DLG2: variants seen among roughly 807,000 people sequenced by gnomAD.
DLG2 encodes discs large MAGUK scaffold protein 2.
DLG2 carries 45 observed loss-of-function variants against 132.5 expected under a neutral mutation model. The ratio of observed to expected loss-of-function variants is 0.34; its 90% CI spans 0.27 to 0.44. The LOEUF (loss-of-function observed/expected upper bound fraction) is 0.44. DLG2 is among the 20% of genes least tolerant of loss of function. DLG2 has a pLI of 1.00. For missense variants in DLG2, 1,045 were observed against 1,196.9 expected, an observed-to-expected ratio of 0.87 and a Z score of 1.87; for synonymous variants, 424 against 419.6, an observed-to-expected ratio of 1.01 and a Z score of -0.13.
chr11:83,963,389 C>T (rs1023493863), intron 13 of DLG2, among the ~76,000 whole-genome samples: 1 of 151,954 alleles, frequency 6.6e-6, no homozygotes, highest in African/African-American at 2.4e-5. Context: ...TAATTAATAT[C>T]CAATTACTGA....
At chr11:83,678,153 A>G (rs2078091909) in intron 18 of DLG2, among the ~76,000 whole-genome samples, 4 of 152,174 alleles carry the variant, frequency 2.6e-5, no homozygotes. Context: ...TGCCCTCTGA[A>G]CTAGAAAAGC....
chr11:84,322,443 A>G (rs541323095), intron 7 of DLG2, among the ~76,000 whole-genome samples: 42 of 152,292 alleles, frequency 2.8e-4, no homozygotes, highest in Admixed American at 7.8e-4. Flanking sequence ...AGCTTTTTCA[A>G]GAGTTCTCCC....
chr11:83,549,031 G>T (rs1432052), intron 19 of DLG2, among the ~76,000 whole-genome samples: 100,065 of 151,998 alleles, frequency 0.66, 33,454 homozygotes, highest in Middle Eastern at 0.75. Context: ...GTTTGGTCTA[G>T]GGAGGCCTTT....
intron 8 of DLG2, among the ~76,000 whole-genome samples, chr11:84,181,210 T>C (rs968001411): frequency 3.3e-5 from 5 of 151,752 alleles, no homozygotes; most frequent in African/African-American, 7.3e-5. Context: ...CAAGAAACTA[T>C]GGCAGAATGG....
At chr11:84,423,132 G>T (rs1305819993) in intron 7 of DLG2, among the ~76,000 whole-genome samples, 1 of 152,054 alleles carries the variant, frequency 6.6e-6, no homozygotes, top group Non-Finnish European at 1.5e-5. Context: ...ATTCAGAAGG[G>T]TACAGAGTTT....
At chr11:85,585,980 G>C (rs1341003148) in intron 3 of DLG2, among the ~76,000 whole-genome samples, 1 of 152,158 alleles carries the variant, frequency 6.6e-6, no homozygotes, top group Non-Finnish European at 1.5e-5. Flanking sequence ...GCCTCTCAAA[G>C]TGCTGGGATT....
rs181912141 is a variant in DLG2, at chr11:85,254,711, A to T, written c.186+30509T>A. Among the ~76,000 whole-genome samples, 21 of 152,318 alleles carry T rather than the reference A, an allele frequency of 1.4e-4. 1 individual carries two copies. The highest frequency in any genetic ancestry group is 4.1e-4 in the African/African-American group (17 of 41,580). Reference sequence around the variant, plus strand: ...AAAATCAATTAGCATTTGTATTTATAAGAATTAGGCTGGGCGTGGTGGCTC... The same window carrying T: ...AAAATCAATTAGCATTTGTATTTATTAGAATTAGGCTGGGCGTGGTGGCTC... On this transcript the variant is annotated intron_variant, in intron 4 of 27. Coordinates refer to ENST00000376104, the MANE Select transcript of DLG2 (RefSeq NM_001142699.3).
intron 7 of DLG2, among the ~76,000 whole-genome samples, chr11:84,530,580 G>A (rs959515726): frequency 1.5e-4 from 23 of 152,078 alleles, no homozygotes; most frequent in African/African-American, 4.6e-4. Context: ...AAGAGATACC[G>A]TCTTACACCA....
chr11:85,135,737 T>TA lies in DLG2; in HGVS notation c.282+18818dup, dbSNP rs1454331215. On this transcript the variant is annotated intron_variant, in intron 5 of 27. Coordinates refer to ENST00000376104, the MANE Select transcript of DLG2 (RefSeq NM_001142699.3). ...AAAATGCACTCCTTAAAGATAGTTT[T>TA]AACTCTTTATTTCCATTGCCTAGAC... Among the ~76,000 whole-genome samples the TA allele has an allele frequency of 2.0e-5, 3 of 152,346 alleles. No individual in the cohort carries two copies. The East Asian group carries it at 5.8e-4, about 29-fold the overall frequency.
rs2092139863 is a variant in DLG2 at position 84,099,004 on chromosome 11, T to C, written c.668A>G (p.Asn223Ser). 3.7e-6 allele frequency: 6 copies of C among 1,612,792 alleles called. No individual in the cohort carries two copies. Among genetic ancestry groups the C allele is most frequent in the Non-Finnish European group, 3.4e-6 (4 of 1,178,892 alleles). Residue 223 changes from asparagine to serine, a missense_variant, in exon 10 of 28, where the codon AAT (asparagine) becomes AGT (serine). Physicochemically the swap from Asn to Ser is conservative, Grantham distance 46. Coordinates refer to ENST00000376104, the MANE Select transcript of DLG2 (RefSeq NM_001142699.3). ...LGFSIAGGTD[N>S]PHIGDDPGIF... ...GCCAGGGTCATCTCCAATGTGGGGA[T>C]TATCTGTCCCCCCAGCAATACTGAA...
At chr11:83,471,799 G>A in intron 23 of DLG2, 72 bp from the exon 24 acceptor site, 1 of 1,256,052 alleles carries the variant, frequency 8.0e-7, no homozygotes, top group East Asian at 2.4e-5. Flanking sequence ...TCCTGCAAGG[G>A]TGATTCTTAA....
At chr11:84,432,619 T>C (rs2098988001) in intron 7 of DLG2, among the ~76,000 whole-genome samples, 1 of 152,216 alleles carries the variant, frequency 6.6e-6, no homozygotes. Context: ...CTTTCCTTGG[T>C]CCTACTGCCA....
rs143982837 is a variant in DLG2, at chr11:84,165,963, T to C, written c.574-2452A>G. Among the ~76,000 whole-genome samples the C allele has an allele frequency of 2.6e-5, 4 of 152,236 alleles. No homozygotes were observed. In the East Asian group the frequency reaches 7.7e-4, roughly 29 times the overall value. On this transcript the variant is annotated intron_variant, in intron 8 of 27. Coordinates refer to ENST00000376104, the MANE Select transcript of DLG2 (RefSeq NM_001142699.3). ...ATCCCATGTCTACAACAAGCTTTCGTGAACTCGTAGAAGCATGAAGGATTT... is the reference window on the plus strand; with the variant it reads ...ATCCCATGTCTACAACAAGCTTTCGCGAACTCGTAGAAGCATGAAGGATTT...
intron 7 of DLG2, among the ~76,000 whole-genome samples, chr11:84,359,831 A>G (rs538817577): frequency 6.6e-6 from 1 of 152,044 alleles, no homozygotes; most frequent in South Asian, 2.1e-4. Flanking sequence ...AGATTATCCT[A>G]TTATGCTTTC....
chr11:85,256,687 CCAAA>C (rs1300394226), intron 4 of DLG2, among the ~76,000 whole-genome samples: 3 of 152,052 alleles, frequency 2.0e-5, no homozygotes, highest in Non-Finnish European at 2.9e-5. Flanking sequence ...CACATGGCGG[CCAAA>C]CAGAGGAGCC....
intron 6 of DLG2, chr11:84,936,831 C>G (rs973457364): frequency 6.6e-6 from 1 of 152,060 alleles, no homozygotes; most frequent in African/African-American, 2.4e-5. Flanking sequence ...TAAACCTTAC[C>G]TTTTAGAGGT....
At chr11:84,532,745 C>G (rs2099345905) in intron 7 of DLG2, among the ~76,000 whole-genome samples, 2 of 152,174 alleles carry the variant, frequency 1.3e-5, no homozygotes, top group Non-Finnish European at 2.9e-5. Flanking sequence ...GTCCTCCCAC[C>G]TCAGCTTCCC....
rs779039240 is a variant in DLG2 at position 84,506,079 on chromosome 11, C to CTTTTTTT, written c.519+28484_519+28490dup. ...CTAATGTTATGACAGAGGCTCAGTT[C>CTTTTTTT]TTTTTTTTTTTTTTGAGACGGAGTC... On this transcript the variant is annotated intron_variant, in intron 7 of 27. Coordinates refer to ENST00000376104, the MANE Select transcript of DLG2 (RefSeq NM_001142699.3). 3.2e-3 allele frequency among the ~76,000 whole-genome samples: 342 copies of CTTTTTTT among 107,020 alleles called. 73 individuals carry two copies. The highest frequency in any genetic ancestry group is 0.014 in the African/African-American group (286 of 19,736). 70.2% of individuals were successfully genotyped at this position (107,020 alleles called of 152,430 possible).
chr11:85,260,348 T>C (rs1484116588), intron 4 of DLG2, among the ~76,000 whole-genome samples: 2 of 152,226 alleles, frequency 1.3e-5, no homozygotes, highest in Non-Finnish European at 2.9e-5. Context: ...TACATGACTA[T>C]AACATAATGA....
Sources: gnomAD v4.1 joint callset for allele counts (sites outside exome capture counted in the v4.1 genomes callset) on GRCh38, gnomAD v4.1.1 for gene constraint, MANE v1.5 for transcripts, NCBI Gene and HGNC (gene_info 2026-07-23, HGNC 2026-07-21) for gene names.